Variants in FRK observed in about 807,000 individuals in gnomAD.
The protein encoded by FRK is tyrosine-protein kinase FRK.
In FRK, 51 loss-of-function variants were observed where a neutral mutation model predicts 56.4. The ratio of observed to expected loss-of-function variants is 0.90; its 90% CI spans 0.72 to 1.14. The LOEUF is 1.14. FRK is among the 50% of genes most tolerant of loss of function. The pLI is 0.00. For missense variants in FRK, 570 were observed against 601.4 expected (o/e 0.95, Z 0.55); for synonymous variants, 245 against 217.9 (o/e 1.12, Z -1.10).
intron 1 of FRK, among the ~76,000 whole-genome samples, chr6:116,029,152 G>A (rs1776209005): frequency 1.3e-5 from 2 of 151,988 alleles, no homozygotes; most frequent in African/African-American, 4.8e-5. Flanking sequence ...CCACCTCTGT[G>A]AGATCTTCCC....
At chr6:115,987,346 C>A (rs527288017) in intron 2 of FRK, among the ~76,000 whole-genome samples, 2 of 152,148 alleles carry the variant, frequency 1.3e-5, no homozygotes, top group South Asian at 2.1e-4. Flanking sequence ...CAAACCCAAG[C>A]ACCCTGGCTG....
At chr6:116,010,875 TGCTG>T (rs1277425734) in intron 1 of FRK, among the ~76,000 whole-genome samples, 3 of 152,212 alleles carry the variant, frequency 2.0e-5, no homozygotes, top group Non-Finnish European at 4.4e-5. Context: ...TTTGAGGTCA[TGCTG>T]GGACACGAGT....
At position 115,967,688 on chromosome 6, in the gene FRK, T is replaced by A. The variant is rs774495420; in HGVS notation, c.662A>T (p.Tyr221Phe). 2 of 1,611,438 alleles carry A rather than the reference T, an allele frequency of 1.2e-6. No individual in the cohort carries two copies. Among genetic ancestry groups the A allele is most frequent in the Non-Finnish European group, 1.7e-6 (2 of 1,178,724 alleles). ...IQVPAPFDLS[Y>F]KTVDQWEIDR... ...TATCTCCCATTGGTCCACGGTTTTA[T>A]ACGACAAATCAAATGGAGCTGGGAC... The change falls in exon 4 of 8, where the codon TAT becomes TTT. Residue 221 changes from tyrosine (Y) to phenylalanine (F), a missense_variant. Tyr to Phe is a conservative substitution (Grantham distance 22). Transcript: ENST00000606080.
At chr6:115,969,741 A>G (rs1395456395) in intron 2 of FRK, among the ~76,000 whole-genome samples, 1 of 152,196 alleles carries the variant, frequency 6.6e-6, no homozygotes, top group Non-Finnish European at 1.5e-5. Flanking sequence ...GCCTCCAGAC[A>G]GGAAGCAAGC....
chr6:115,968,545 A>G, intron 3 of FRK, 31 bp downstream of exon 3: 3 of 1,587,038 alleles, frequency 1.9e-6, no homozygotes, highest in Non-Finnish European at 2.6e-6. Context: ...GTTAACTTCA[A>G]TAAAAAAACA....
At chr6:116,042,239 C>G (rs940901863) in intron 1 of FRK, among the ~76,000 whole-genome samples, 1 of 152,160 alleles carries the variant, frequency 6.6e-6, no homozygotes, top group African/African-American at 2.4e-5. Context: ...ACAAAGGCAG[C>G]AGCCCCAATC....
chr6:116,074,052 T>A, the FRK span, among the ~76,000 whole-genome samples: 1 of 141,572 alleles, frequency 7.1e-6, no homozygotes, highest in African/African-American at 2.6e-5. Context: ...ACGCTCTTTC[T>A]ATCTTAGCTC....
At chr6:116,026,700 A>T (rs1199024230) in intron 1 of FRK, among the ~76,000 whole-genome samples, 3 of 152,086 alleles carry the variant, frequency 2.0e-5, no homozygotes, top group African/African-American at 7.2e-5. Flanking sequence ...TTGGGATCCA[A>T]GTTAGAGAGA....
At chr6:116,099,267 C>G in the FRK span, among the ~76,000 whole-genome samples, 2 of 152,178 alleles carry the variant, frequency 1.3e-5, no homozygotes, top group Non-Finnish European at 2.9e-5. Flanking sequence ...ATACTCTTCC[C>G]TCTTACAATG....
chr6:116,088,169 T>C, the FRK span, among the ~76,000 whole-genome samples: 1 of 152,192 alleles, frequency 6.6e-6, no homozygotes, highest in Non-Finnish European at 1.5e-5. Flanking sequence ...TGGCTTACTC[T>C]CTCTCCATTA....
chr6:115,977,441 A>G (rs1393471516), intron 2 of FRK, among the ~76,000 whole-genome samples: 1 of 152,172 alleles, frequency 6.6e-6, no homozygotes, highest in Admixed American at 6.6e-5. Context: ...TTGGCTCCCA[A>G]CCATGAAAAT....
chr6:116,013,191 A>T (rs973438646), intron 1 of FRK, among the ~76,000 whole-genome samples: 1 of 152,186 alleles, frequency 6.6e-6, no homozygotes, highest in Non-Finnish European at 1.5e-5. Context: ...ACTATTTATA[A>T]AAGAATCTTG....
the FRK span, among the ~76,000 whole-genome samples, chr6:116,075,245 TGTGA>T: frequency 2.4e-3 from 361 of 152,264 alleles, no homozygotes; most frequent in Admixed American, 3.9e-3. Flanking sequence ...TTTATGTGAC[TGTGA>T]GTAAGTATTT....
chr6:115,967,531 A>C lies in FRK; in HGVS notation c.799+20T>G, dbSNP rs1562262034. 6.2e-7 allele frequency: 1 copy of C among 1,610,258 alleles called. No individual in the cohort carries two copies. The highest frequency in any genetic ancestry group is 2.2e-5 in the East Asian group (1 of 44,836). On this transcript the variant is annotated intron_variant, in intron 4 of 7. Transcript: ENST00000606080. Reference sequence around the variant, plus strand: ...TCATAAAAATCAACATATGCCATTTAACCTTTATTGTTCTCGCACCTGGTT... The same window carrying C: ...TCATAAAAATCAACATATGCCATTTCACCTTTATTGTTCTCGCACCTGGTT...
chr6:115,960,333 A>T (rs1773295073), intron 4 of FRK, among the ~76,000 whole-genome samples: 1 of 151,620 alleles, frequency 6.6e-6, no homozygotes, highest in East Asian at 2.0e-4. Context: ...TGCGCTTTTC[A>T]GACCGGCTTA....
rs549247039 is a variant in FRK at position 115,933,453 on chromosome 6, A to C, written c.*8961T>G. ...ATAACTGAATCCATTATTTTTCTCC[A>C]TGATCCATCAGGTAAAAACAAGAAT... On this transcript the variant is annotated 3_prime_UTR_variant, in exon 8 of 8. Transcript: ENST00000606080. 3 of 152,318 alleles carry C rather than the reference A, an allele frequency of 2.0e-5. No homozygotes were observed. The highest frequency in any genetic ancestry group is 4.4e-5 in the Non-Finnish European group (3 of 68,006). The allele number at this position is 152,318 out of a possible 1,614,324, so 9.4% of individuals were successfully genotyped here. A position where few individuals can be genotyped will look rare whatever the true frequency, so the allele number is the denominator to read the frequency against.
chr6:115,942,174 T>C lies in FRK; in HGVS notation c.*240A>G. ...TCTCTTAAAAAGAAAAATAACTTGG[T>C]TTAGTGTGCTTAATTTTACCAGGCA... On this transcript the variant is annotated 3_prime_UTR_variant, in exon 8 of 8. Transcript: ENST00000606080. The C allele has an allele frequency of 2.5e-6, 1 of 401,300 alleles. No individual in the cohort carries two copies. Among genetic ancestry groups the C allele is most frequent in the Non-Finnish European group, 4.6e-6 (1 of 219,026 alleles). 24.9% of individuals were successfully genotyped at this position (401,300 alleles called of 1,614,324 possible). A position where few individuals can be genotyped will look rare whatever the true frequency, so the allele number is the denominator to read the frequency against.
At chr6:116,078,804 A>T in the FRK span, among the ~76,000 whole-genome samples, 1 of 152,038 alleles carries the variant, frequency 6.6e-6, no homozygotes, top group Non-Finnish European at 1.5e-5. Flanking sequence ...ACTTCCTTTC[A>T]TTTTTTTATT....
At chr6:116,051,318 C>T (rs955136512) in intron 1 of FRK, among the ~76,000 whole-genome samples, 3 of 151,990 alleles carry the variant, frequency 2.0e-5, no homozygotes, top group Non-Finnish European at 2.9e-5. Flanking sequence ...CTATAAAATG[C>T]ACCATCTGAA....
Sources: gnomAD v4.1 joint callset for allele counts (sites outside exome capture counted in the v4.1 genomes callset) on GRCh38, gnomAD v4.1.1 for gene constraint, MANE v1.5 for transcripts, NCBI Gene and HGNC (gene_info 2026-07-23, HGNC 2026-07-21) for gene names.